LRRFIP1: variants seen among roughly 807,000 people sequenced by gnomAD.
LRRFIP1 encodes leucine-rich repeat flightless-interacting protein 1.
Under a neutral mutation model 104.4 loss-of-function variants are expected in LRRFIP1, and 62 were observed. That is an observed-to-expected ratio of 0.59 (90% CI 0.48 to 0.73). The LOEUF (loss-of-function observed/expected upper bound fraction) is 0.73. Ranked by LOEUF, LRRFIP1 falls within the 30% of genes least tolerant of loss-of-function variation. The pLI is 0.00. For missense variants in LRRFIP1, 796 were observed against 824.5 expected (o/e 0.97, Z 0.42); for synonymous variants, 300 against 299.0 (o/e 1.00, Z -0.03).
At position 237,642,704 on chromosome 2, in the gene LRRFIP1, C is replaced by CTCCAGGCTTCCAGTTCCAGGT. The variant is rs2084205073; in HGVS notation, c.96+14973_96+14993dup. ...AAGGGTTTTGGTTCCAGGTTCCAGG[C>CTCCAGGCTTCCAGTTCCAGGT]TCCAGGCTTCCAGTTCCAGGTTCCA... On this transcript the variant is annotated intron_variant, in intron 1 of 23. Transcript: ENST00000308482. Among the ~76,000 whole-genome samples the CTCCAGGCTTCCAGTTCCAGGT allele has an allele frequency of 7.2e-5, 11 of 151,840 alleles. No individual in the cohort carries two copies. In the South Asian group the frequency reaches 2.3e-3, roughly 32 times the overall value.
At chr2:237,721,151 G>A (rs113502018) in intron 6 of LRRFIP1, 6 of 247,166 alleles carry the variant, frequency 2.4e-5, no homozygotes, top group South Asian at 2.1e-4. Context: ...ATGCAAAGGC[G>A]CGTCTGCCCT....
intron 9 of LRRFIP1, among the ~76,000 whole-genome samples, chr2:237,734,073 G>A (rs553187245): frequency 8.0e-4 from 122 of 151,994 alleles, no homozygotes; most frequent in Non-Finnish European, 1.6e-3. Context: ...GGATCGTTAG[G>A]CAGGAATGGA....
chr2:237,682,817 G>A lies in LRRFIP1; in HGVS notation c.97-25727G>A, dbSNP rs544152758. 9.2e-5 allele frequency among the ~76,000 whole-genome samples: 14 copies of A among 152,338 alleles called. 1 individual carries two copies. The highest frequency in any genetic ancestry group is 6.8e-3 in the Middle Eastern group (2 of 294). On this transcript the variant is annotated intron_variant, in intron 1 of 23. Coordinates refer to ENST00000308482, the MANE Select transcript of LRRFIP1 (RefSeq NM_001137550.2). ...AAGAAGGCAACAGATGTTAGATGCC[G>A]TGTGCACATATTCCCATCTTGACCA...
intron 1 of LRRFIP1, among the ~76,000 whole-genome samples, chr2:237,707,215 C>T (rs531095308): frequency 6.6e-6 from 1 of 151,614 alleles, no homozygotes; most frequent in South Asian, 2.1e-4. Flanking sequence ...AGAGGGACGT[C>T]CCTGTCAGGA....
chr2:237,720,603 A>AT (rs1380949943), intron 5 of LRRFIP1, among the ~76,000 whole-genome samples, 169 bp from the exon 6 acceptor site: 3 of 152,228 alleles, frequency 2.0e-5, no homozygotes, highest in Non-Finnish European at 4.4e-5. Context: ...CACAAAGCCC[A>AT]TGCTGTGGAG....
chr2:237,759,807 TG>T (rs754991852), intron 18 of LRRFIP1, among the ~76,000 whole-genome samples: 1 of 152,138 alleles, frequency 6.6e-6, no homozygotes, highest in Non-Finnish European at 1.5e-5. Context: ...GGATGCCTGG[TG>T]GAAGTAGCTT....
At chr2:237,712,750 C>T (rs1451767330) in intron 2 of LRRFIP1, among the ~76,000 whole-genome samples, 2 of 152,148 alleles carry the variant, frequency 1.3e-5, no homozygotes, top group Non-Finnish European at 2.9e-5. Context: ...TGCACGTCTT[C>T]GGGCCATGCC....
intron 1 of LRRFIP1, among the ~76,000 whole-genome samples, chr2:237,705,171 A>G (rs920578773): frequency 6.6e-6 from 1 of 152,146 alleles, no homozygotes; most frequent in African/African-American, 2.4e-5. Context: ...TGGGGTACTG[A>G]GCAGGCAGGC....
rs143956929 is a variant in LRRFIP1 at position 237,766,222 on chromosome 2, ACTT to A, written c.1460-3720_1460-3718del. The stretch of plus-strand genomic sequence containing the variant: ...TGTGGCTGTGCTTACCTGCGCCACT[ACTT>A]ACAGTGTTTTGAAGAGCAGGATGAA... On this transcript the variant is annotated intron_variant, in intron 19 of 23. Transcript: ENST00000308482. The surrounding 1 kb of genome is among the most constrained non-coding windows in gnomAD (Gnocchi z 4.8). Among the ~76,000 whole-genome samples the A allele has an allele frequency of 1.7e-3, 261 of 152,298 alleles. No individual in the cohort carries two copies. Among genetic ancestry groups the A allele is most frequent in the Middle Eastern group, 6.8e-3 (2 of 294 alleles).
chr2:237,748,479 T>C, intron 12 of LRRFIP1, 80 bp downstream of exon 12: 1 of 1,311,352 alleles, frequency 7.6e-7, no homozygotes, highest in African/African-American at 1.5e-5. Context: ...TTGGTTTTTT[T>C]TAATAAGGAT....
chr2:237,632,733 C>T (rs1025340122), intron 1 of LRRFIP1, among the ~76,000 whole-genome samples: 19 of 152,086 alleles, frequency 1.2e-4, no homozygotes, highest in Non-Finnish European at 2.2e-4. Flanking sequence ...GTGGAAACTT[C>T]GCTCTACCTC....
rs2095231008 is a variant in LRRFIP1, at chr2:237,735,939, G to A, written c.555+606G>A. Among the ~76,000 whole-genome samples the A allele has an allele frequency of 6.6e-6, 1 of 152,232 alleles. No individual in the cohort carries two copies. Among genetic ancestry groups the A allele is most frequent in the Admixed American group, 6.5e-5 (1 of 15,282 alleles). On this transcript the variant is annotated intron_variant, in intron 10 of 23. Transcript: ENST00000308482. The surrounding 1 kb of genome is among the most constrained non-coding windows in gnomAD (Gnocchi z 4.6). ...TGTCCCAGGGACCTGTGGAAACGGAGCGTTCAGTGCTAACCGGTGCTCCCT... is the reference window on the plus strand; with the variant it reads ...TGTCCCAGGGACCTGTGGAAACGGAACGTTCAGTGCTAACCGGTGCTCCCT...
At chr2:237,674,862 G>A (rs974934508) in intron 1 of LRRFIP1, among the ~76,000 whole-genome samples, 2 of 152,256 alleles carry the variant, frequency 1.3e-5, no homozygotes, top group African/African-American at 2.4e-5. Context: ...GAATAAGGAC[G>A]TGCACGCACG....
chr2:237,647,574 G>C (rs1425305675), intron 1 of LRRFIP1, among the ~76,000 whole-genome samples: 1 of 151,920 alleles, frequency 6.6e-6, no homozygotes, highest in Non-Finnish European at 1.5e-5. Flanking sequence ...CCTGTTGCCT[G>C]GTGGCCGGGC....
intron 1 of LRRFIP1, among the ~76,000 whole-genome samples, chr2:237,664,746 G>T (rs1559497685): frequency 6.6e-6 from 1 of 152,166 alleles, no homozygotes; most frequent in Non-Finnish European, 1.5e-5. Flanking sequence ...TCCTTCTCTG[G>T]TATAAAGAAC....
At chr2:237,769,798 T>A (rs189213024) in intron 19 of LRRFIP1, 145 bp from the exon 20 acceptor site, 479 of 683,660 alleles carry the variant, frequency 7.0e-4, no homozygotes, top group Non-Finnish European at 1.1e-3. Context: ...CCCCGTCCTG[T>A]CTGTGGCCTC....
intron 1 of LRRFIP1, among the ~76,000 whole-genome samples, chr2:237,651,319 GT>G (rs752587109): frequency 3.3e-5 from 5 of 152,198 alleles, no homozygotes; most frequent in Non-Finnish European, 5.9e-5. Context: ...GCAGCACTGT[GT>G]TCTCACACAA....
chr2:237,772,804 A>G, intron 21 of LRRFIP1, 62 bp from the exon 22 acceptor site: 1 of 1,115,810 alleles, frequency 9.0e-7, no homozygotes, highest in Middle Eastern at 2.0e-4. Context: ...CCCAGTAACT[A>G]TTGTTTTAAT....
chr2:237,741,335 C>T (rs2095409074), intron 11 of LRRFIP1, among the ~76,000 whole-genome samples: 1 of 152,222 alleles, frequency 6.6e-6, no homozygotes, highest in Admixed American at 6.5e-5. Flanking sequence ...TTTCAGATCA[C>T]AGACTCAGTA....
Sources: allele counts gnomAD v4.1 joint callset (sites outside exome capture counted in the v4.1 genomes callset), GRCh38; gene constraint gnomAD v4.1.1; non-coding constraint Gnocchi (gnomAD v3.1); transcripts MANE v1.5; gene names NCBI Gene and HGNC (gene_info 2026-07-23, HGNC 2026-07-21).